The following CFAP91 variants were observed in gnomAD, a reference collection of about 807,000 sequenced individuals.
CFAP91 encodes the protein cilia and flagella associated protein 91.
A neutral mutation model predicts 95.9 loss-of-function variants in CFAP91; 85 were observed. The observed-to-expected ratio is 0.89, with a 90% CI of 0.74 to 1.06. The LOEUF (loss-of-function observed/expected upper bound fraction) is 1.06, where lower values mean the gene tolerates loss of function less well. Among genes scored for constraint, CFAP91 ranks in the 50% least tolerant of loss-of-function variants. The pLI is 0.00. For synonymous variants in CFAP91, 335 were observed against 327.5 expected (o/e 1.02, Z -0.25); for missense variants, 962 against 943.4 (o/e 1.02, Z -0.26).
chr3:119,715,561 G>T lies in CFAP91; in HGVS notation c.501-1G>T. On this transcript the variant is annotated splice_acceptor_variant, in intron 5 of 17. Coordinates refer to ENST00000273390, the MANE Select transcript of CFAP91 (RefSeq NM_033364.4). LOFTEE classifies it high-confidence loss of function. ...TTTTTAAACTGATTTTTCTCTTTTA[G>T]GGCAGAACCATACACTTTTCCTCCT... The T allele has an allele frequency of 6.2e-7, 1 of 1,613,420 alleles. No homozygotes were observed. The highest frequency in any genetic ancestry group is 1.1e-5 in the South Asian group (1 of 91,058).
chr3:119,734,336 T>C (rs6781992), intron 10 of CFAP91, among the ~76,000 whole-genome samples: 3,236 of 152,274 alleles, frequency 0.021, 55 homozygotes, highest in Middle Eastern at 0.034. Context: ...GTAATTTATG[T>C]ATATCGAGGT....
chr3:119,734,752 A>G (rs776187124), intron 10 of CFAP91, among the ~76,000 whole-genome samples: 1 of 152,092 alleles, frequency 6.6e-6, no homozygotes, highest in Non-Finnish European at 1.5e-5. Flanking sequence ...CATTTTGACT[A>G]TGTATGGGGT....
At chr3:119,740,951 T>A in intron 13 of CFAP91, 1 of 450,198 alleles carries the variant, frequency 2.2e-6, no homozygotes, top group Non-Finnish European at 4.1e-6. Context: ...GCCTCACGGG[T>A]TCAAATGATT....
chr3:119,745,487 T>A (rs921496488), intron 14 of CFAP91, among the ~76,000 whole-genome samples: 2 of 152,220 alleles, frequency 1.3e-5, no homozygotes, highest in African/African-American at 4.8e-5. Context: ...GCCACACTTT[T>A]CCTTATTCAC....
At position 119,730,279 on chromosome 3, in the gene CFAP91, A is replaced by G; in HGVS notation, c.920A>G (p.Gln307Arg). Residue 307 changes from glutamine to arginine, a missense_variant, in exon 8 of 18, where the codon CAG becomes CGG. By Grantham distance (43) the Gln-to-Arg change is conservative. Coordinates refer to ENST00000273390, the MANE Select transcript of CFAP91 (RefSeq NM_033364.4). ...KELLRKREEN[Q>R]NEVNMKHLNA... ...CTGTTGAGGAAGCGTGAAGAGAATCAGAATGAAGTGAATATGAAGCACTTG... is the reference window on the plus strand; with the variant it reads ...CTGTTGAGGAAGCGTGAAGAGAATCGGAATGAAGTGAATATGAAGCACTTG... The G allele has an allele frequency of 6.2e-7, 1 of 1,614,198 alleles. No individual in the cohort carries two copies. The highest frequency in any genetic ancestry group is 8.5e-7 in the Non-Finnish European group (1 of 1,180,016).
At chr3:119,707,034 C>A in intron 2 of CFAP91, 149 bp downstream of exon 2, 1 of 642,942 alleles carries the variant, frequency 1.6e-6, no homozygotes, top group Non-Finnish European at 2.8e-6. Flanking sequence ...GAGGGCAAAG[C>A]ATCTTAATAC....
chr3:119,751,684 T>C lies in CFAP91; in HGVS notation c.*1+586T>C, dbSNP rs149665431. On this transcript the variant is annotated intron_variant, in intron 17 of 17. Transcript: ENST00000273390. The stretch of plus-strand genomic sequence containing the variant: ...TCTCTTCCTGTAGGAGCCCTTGCCA[T>C]ACCCATGCAGAACACATAGCTGTTT... Among the ~76,000 whole-genome samples the C allele has an allele frequency of 3.2e-3, 485 of 152,300 alleles. 1 individual carries two copies. The highest frequency in any genetic ancestry group is 0.017 in the Middle Eastern group (5 of 294).
At chr3:119,720,332 G>A (rs2053659000) in intron 6 of CFAP91, among the ~76,000 whole-genome samples, 1 of 150,820 alleles carries the variant, frequency 6.6e-6, no homozygotes, top group Non-Finnish European at 1.5e-5. Flanking sequence ...GGGAGGCTCT[G>A]CTTGCAGTGA....
chr3:119,748,181 T>A (rs967882912), intron 16 of CFAP91, among the ~76,000 whole-genome samples: 11 of 152,220 alleles, frequency 7.2e-5, no homozygotes, highest in East Asian at 1.9e-4. Context: ...AGCTGTATTT[T>A]TTTATTTATT....
At chr3:119,743,568 A>T (rs2054162514) in intron 13 of CFAP91, among the ~76,000 whole-genome samples, 1 of 152,242 alleles carries the variant, frequency 6.6e-6, no homozygotes, top group African/African-American at 2.4e-5. Flanking sequence ...TGATATCATG[A>T]GTGAATTTCT....
intron 6 of CFAP91, among the ~76,000 whole-genome samples, chr3:119,721,150 A>C (rs1021385973): frequency 1.8e-4 from 27 of 152,226 alleles, no homozygotes; most frequent in Admixed American, 1.8e-3. Context: ...GTGACTTATA[A>C]CCAGATGGAG....
intron 9 of CFAP91, among the ~76,000 whole-genome samples, chr3:119,733,039 G>A (rs376093865): frequency 2.6e-5 from 4 of 152,138 alleles, no homozygotes; most frequent in Non-Finnish European, 5.9e-5. Context: ...ATTGGTGAAC[G>A]TCTACTTTAG....
intron 16 of CFAP91, 41 bp from the exon 17 acceptor site, chr3:119,750,896 C>T: frequency 6.2e-7 from 1 of 1,610,740 alleles, no homozygotes; most frequent in Non-Finnish European, 8.5e-7. Flanking sequence ...TGGTTTTGTT[C>T]AGACTTTCAG....
chr3:119,764,701 G>C (rs116546154), intron 17 of CFAP91, among the ~76,000 whole-genome samples: 5,400 of 152,172 alleles, frequency 0.035, 303 homozygotes, highest in African/African-American at 0.12. Context: ...GTAGGTAGCT[G>C]TTGCCAGGCA....
chr3:119,718,307 T>G (rs991489825), intron 6 of CFAP91, among the ~76,000 whole-genome samples: 8 of 152,230 alleles, frequency 5.3e-5, no homozygotes, highest in South Asian at 2.1e-4. Context: ...GGAGGAAAAC[T>G]ATAACGTTTG....
intron 5 of CFAP91, among the ~76,000 whole-genome samples, chr3:119,710,804 G>A (rs530906227): frequency 3.3e-5 from 5 of 152,132 alleles, no homozygotes; most frequent in Admixed American, 3.3e-4. Context: ...GCCCCACAAC[G>A]GAGTGAACCA....
Position 119,766,631 on chromosome 3 carries a change from A to C in CFAP91, c.*1581A>C, listed in dbSNP as rs896951140. On this transcript the variant is annotated 3_prime_UTR_variant, in exon 18 of 18. Coordinates refer to ENST00000273390, the MANE Select transcript of CFAP91 (RefSeq NM_033364.4). ...CAGCAGACTTTCTCTGAAGGGCCAG[A>C]TGGTAACTACATTAGGGTTTGCGGG... 6.6e-6 allele frequency: 1 copy of C among 152,170 alleles called. No individual in the cohort carries two copies. The highest frequency in any genetic ancestry group is 2.4e-5 in the African/African-American group (1 of 41,436). The allele number at this position is 152,170 out of a possible 1,614,324, so 9.4% of individuals were successfully genotyped here.
rs2053942054 is a variant in CFAP91, at chr3:119,733,486, G to C, written c.1324G>C (p.Glu442Gln). 6.2e-7 allele frequency: 1 copy of C among 1,613,738 alleles called. No homozygotes were observed. The change falls in exon 10 of 18, where the codon GAG becomes CAG. Residue 442 changes from glutamate (E) to glutamine (Q), a missense_variant. Coordinates refer to ENST00000273390, the MANE Select transcript of CFAP91 (RefSeq NM_033364.4). ...GAAGAGGGCAGCAAGGTTGGACTAT[G>C]AGTTGGCAGAGGTTCATAAGGTATA... is the stretch of plus-strand genomic sequence containing the variant. ...FLKRAARLDY[E>Q]LAEVHKALLD...
intron 6 of CFAP91, chr3:119,716,076 A>G (rs978954060): frequency 3.0e-5 from 15 of 496,478 alleles, no homozygotes; most frequent in African/African-American, 2.9e-4. Context: ...TTCTTTAAAC[A>G]TAAGCTTTGA....
Sources: allele counts gnomAD v4.1 joint callset (sites outside exome capture counted in the v4.1 genomes callset), GRCh38; gene constraint gnomAD v4.1.1; transcripts MANE v1.5; gene names NCBI Gene and HGNC (gene_info 2026-07-23, HGNC 2026-07-21).